Variants in SLC46A3 observed in about 807,000 individuals in gnomAD.
The protein encoded by SLC46A3 is lysosomal proton-coupled steroid conjugate and bile acid symporter SLC46A3.
SLC46A3 carries 26 observed loss-of-function variants against 38.5 expected under a neutral mutation model. The ratio of observed to expected loss-of-function variants is 0.68; its 90% CI spans 0.49 to 0.94. The LOEUF (loss-of-function observed/expected upper bound fraction) is 0.94, where lower values mean the gene tolerates loss of function less well. SLC46A3 is among the 40% of genes least tolerant of loss of function. SLC46A3 has a pLI of 0.00. For synonymous variants in SLC46A3, 185 were observed against 192.5 expected, an observed-to-expected ratio of 0.96 and a Z score of 0.32; for missense variants, 510 against 544.3, an observed-to-expected ratio of 0.94 and a Z score of 0.63.
At position 28,713,455 on chromosome 13, in the gene SLC46A3, A is replaced by C. The variant is rs747383866; in HGVS notation, c.285T>G (p.Ser95Arg). Residue 95 changes from serine (S) to arginine (R), a missense_variant, in exon 3 of 6, where the codon AGT (serine) becomes AGG (arginine). By Grantham distance (110) the Ser-to-Arg change is moderately radical. Coordinates refer to ENST00000266943, the MANE Select transcript of SLC46A3 (RefSeq NM_181785.4). The stretch of plus-strand genomic sequence containing the variant: ...TAGGGAATTTTCGTCCGTAGTGATC[A>C]CTAATAGACAAAAGTATGAATGTAG... ...LVSTFILLSI[S>R]DHYGRKFPMI... 5 of 1,614,180 alleles carry C rather than the reference A, an allele frequency of 3.1e-6. No individual in the cohort carries two copies. In the East Asian group the frequency reaches 1.1e-4, roughly 36 times the overall value.
rs764912570 is a variant in SLC46A3 at position 28,700,959 on chromosome 13, AT to A, written c.*537del. 6.5e-7 allele frequency: 1 copy of A among 1,529,176 alleles called. No homozygotes were observed. Among genetic ancestry groups the A allele is most frequent in the South Asian group, 1.2e-5 (1 of 83,374 alleles). The allele number at this position is 1,529,176 out of a possible 1,614,324, so 94.7% of individuals were successfully genotyped here. On this transcript the variant is annotated 3_prime_UTR_variant, in exon 6 of 6. Transcript: ENST00000266943. ...TATCAATAGCAGCTTAACAGGCTCTATAAAATAAAGCATTACCAAGTATAGG... is the reference window on the plus strand; with the variant it reads ...TATCAATAGCAGCTTAACAGGCTCTAAAAATAAAGCATTACCAAGTATAGG...
chr13:28,701,253 G>A lies in SLC46A3; in HGVS notation c.*244C>T. The A allele has an allele frequency of 7.2e-7, 1 of 1,391,198 alleles. No homozygotes were observed. The highest frequency in any genetic ancestry group is 9.3e-7 in the Non-Finnish European group (1 of 1,075,898). 86.2% of individuals were successfully genotyped at this position (1,391,198 alleles called of 1,614,324 possible). Reference sequence around the variant, plus strand: ...TTTCTCTTCTAAGTCTAAAAGTGAGGCGTATTTGAAATTTGTTCTGTGTAT... The same window carrying A: ...TTTCTCTTCTAAGTCTAAAAGTGAGACGTATTTGAAATTTGTTCTGTGTAT... On this transcript the variant is annotated 3_prime_UTR_variant, in exon 6 of 6. Coordinates refer to ENST00000266943, the MANE Select transcript of SLC46A3 (RefSeq NM_181785.4).
At position 28,712,782 on chromosome 13, in the gene SLC46A3, A is replaced by G; in HGVS notation, c.958T>C (p.Tyr320His). The G allele has an allele frequency of 1.9e-6, 3 of 1,613,774 alleles. No homozygotes were observed. The highest frequency in any genetic ancestry group is 2.5e-6 in the Non-Finnish European group (3 of 1,179,926). The change falls in exon 3 of 6, where the codon TAT becomes CAT. Residue 320 changes from tyrosine to histidine, a missense_variant. Physicochemically the swap from Tyr to His is moderately conservative, Grantham distance 83 (BLOSUM62 2). Transcript: ENST00000266943. ...TSFLGIWLFS[Y>H]CMEDIHMAFI... ...GCCATATGAATATCTTCCATACAATAAGAAAAAAGCCATATTCCTAGGAAA... is the reference window on the plus strand; with the variant it reads ...GCCATATGAATATCTTCCATACAATGAGAAAAAAGCCATATTCCTAGGAAA...
rs200750654 is a variant in SLC46A3 at position 28,701,486 on chromosome 13, T to A, written c.*11A>T. The A allele has an allele frequency of 2.5e-6, 4 of 1,609,292 alleles. No individual in the cohort carries two copies. In the East Asian group the frequency reaches 8.9e-5, roughly 36 times the overall value. ...GCATTCATAGATTTTTTTTGTTTGTTTAAATCACAGTCACCTGTCTGAAGC... is the reference window on the plus strand; with the variant it reads ...GCATTCATAGATTTTTTTTGTTTGTATAAATCACAGTCACCTGTCTGAAGC... On this transcript the variant is annotated 3_prime_UTR_variant, in exon 6 of 6. Coordinates refer to ENST00000266943, the MANE Select transcript of SLC46A3 (RefSeq NM_181785.4).
rs1010104398 is a variant in SLC46A3, at chr13:28,704,849, T to C, written c.1145-750A>G. On this transcript the variant is annotated intron_variant, in intron 4 of 5. Transcript: ENST00000266943. ...CTAAGGTGCCTTACAAGATGAAGAGTGGGGATTCTGCTATGGTCACACTTG... is the reference window on the plus strand; with the variant it reads ...CTAAGGTGCCTTACAAGATGAAGAGCGGGGATTCTGCTATGGTCACACTTG... Among the ~76,000 whole-genome samples the C allele has an allele frequency of 9.9e-5, 15 of 152,226 alleles. No individual in the cohort carries two copies. In the East Asian group the frequency reaches 2.3e-3, roughly 24 times the overall value.
Position 28,712,870 on chromosome 13 carries a change from G to A in SLC46A3, c.870C>T (p.Leu290=), listed in dbSNP as rs35874336. The stretch of plus-strand genomic sequence containing the variant: ...AACCTATAAAAACTTCATTCCAGCA[G>A]AGTGGTGAATCCAATTCATAAAGGA... ...IFILYELDSP[L]CWNEVFIGYG... The change falls in exon 3 of 6, where the codon CTC becomes CTT. Residue 290 remains leucine (L), a synonymous_variant. Coordinates refer to ENST00000266943, the MANE Select transcript of SLC46A3 (RefSeq NM_181785.4). 7.0e-5 allele frequency: 113 copies of A among 1,610,928 alleles called. No homozygotes were observed. The highest frequency in any genetic ancestry group is 1.6e-4 in the Middle Eastern group (1 of 6,070).
Position 28,700,953 on chromosome 13 carries a change from G to T in SLC46A3, c.*544C>A, listed in dbSNP as rs1884998875. The stretch of plus-strand genomic sequence containing the variant: ...TCCGACTATCAATAGCAGCTTAACA[G>T]GCTCTATAAAATAAAGCATTACCAA... On this transcript the variant is annotated 3_prime_UTR_variant, in exon 6 of 6. Transcript: ENST00000266943. The T allele has an allele frequency of 6.6e-7, 1 of 1,521,068 alleles. No homozygotes were observed. The allele number at this position is 1,521,068 out of a possible 1,614,324, so 94.2% of individuals were successfully genotyped here.
intron 5 of SLC46A3, among the ~76,000 whole-genome samples, chr13:28,702,474 T>A (rs1454582807): frequency 6.6e-6 from 1 of 152,198 alleles, no homozygotes; most frequent in East Asian, 1.9e-4. Context: ...GCTGGATCAA[T>A]CACTATGAAC....
At position 28,718,015 on chromosome 13, in the gene SLC46A3, G is replaced by A; in HGVS notation, c.-17C>T. On this transcript the variant is annotated 5_prime_UTR_variant, in exon 2 of 6. Coordinates refer to ENST00000266943, the MANE Select transcript of SLC46A3 (RefSeq NM_181785.4). Reference sequence around the variant, plus strand: ...AATCTTCATATTGCCTGGGTAGGTAGCTGTATTCTATAAAAAGTGAAAACG... The same window carrying A: ...AATCTTCATATTGCCTGGGTAGGTAACTGTATTCTATAAAAAGTGAAAACG... 2.5e-6 allele frequency: 4 copies of A among 1,600,488 alleles called. No individual in the cohort carries two copies. The highest frequency in any genetic ancestry group is 1.7e-4 in the Middle Eastern group (1 of 5,982).
In SLC46A3 at chr13:28,713,418, A is replaced by T. The variant is rs1381045169; in HGVS notation, c.322T>A (p.Ser108Thr). The stretch of plus-strand genomic sequence containing the variant: ...ACGCTGGTTGCAAGAGCACCAACGG[A>T]AGACAAAATCATAGGGAATTTTCGT... ...YGRKFPMILS[S>T]VGALATSVWL... Residue 108 changes from serine (S) to threonine (T), a missense_variant, in exon 3 of 6, where the codon TCC becomes ACC. Transcript: ENST00000266943. 1 of 1,614,000 alleles carries T rather than the reference A, an allele frequency of 6.2e-7. No individual in the cohort carries two copies. The highest frequency in any genetic ancestry group is 1.7e-5 in the Admixed American group (1 of 60,010).
chr13:28,704,130 A>G, intron 4 of SLC46A3, 31 bp from the exon 5 acceptor site: 1 of 1,569,474 alleles, frequency 6.4e-7, no homozygotes, highest in Non-Finnish European at 8.6e-7. Context: ...GAGAGAGGAA[A>G]AAAAAAAGGC....
chr13:28,708,966 A>T (rs543171454), intron 4 of SLC46A3, among the ~76,000 whole-genome samples: 4 of 152,160 alleles, frequency 2.6e-5, no homozygotes, highest in Non-Finnish European at 4.4e-5. Flanking sequence ...ATTGGTTTTC[A>T]AAGCAATCAT....
At chr13:28,716,057 G>A (rs949833300) in intron 2 of SLC46A3, among the ~76,000 whole-genome samples, 3 of 152,076 alleles carry the variant, frequency 2.0e-5, no homozygotes, top group Non-Finnish European at 4.4e-5. Flanking sequence ...GGAGGCTGAG[G>A]TGAGAGGATC....
chr13:28,706,369 T>C (rs960335271), intron 4 of SLC46A3, among the ~76,000 whole-genome samples: 4 of 152,244 alleles, frequency 2.6e-5, no homozygotes, highest in African/African-American at 7.2e-5. Flanking sequence ...ATGGCCAATT[T>C]AAATAATAAT....
chr13:28,704,292 A>C (rs1035257530), intron 4 of SLC46A3, 193 bp from the exon 5 acceptor site: 10 of 573,618 alleles, frequency 1.7e-5, no homozygotes, highest in African/African-American at 1.5e-4. Context: ...GAGGAAACTA[A>C]GGGAAAGGTT....
chr13:28,717,706 C>T (rs1885570238), intron 2 of SLC46A3, 104 bp downstream of exon 2: 32 of 1,149,576 alleles, frequency 2.8e-5, no homozygotes, highest in Non-Finnish European at 3.4e-5. Context: ...CTTTGATGGC[C>T]GCCCTAGAGA....
At chr13:28,717,490 T>A (rs1383609335) in intron 2 of SLC46A3, among the ~76,000 whole-genome samples, 1,179 of 25,874 alleles carry the variant, frequency 0.046, 106 homozygotes, top group African/African-American at 0.086. Flanking sequence ...TCAGACTTTT[T>A]TTTTTTTTTT....
At position 28,704,031 on chromosome 13, in the gene SLC46A3, C is replaced by T; in HGVS notation, c.1213G>A (p.Gly405Arg). ...GGVTAVSTFN[G>R]IYSATVAWYP... Reference sequence around the variant, plus strand: ...CAAGCAACAGTGGCTGAGTAAATTCCATTAAAAGTAGAAACTGCAGTGACT... The same window carrying T: ...CAAGCAACAGTGGCTGAGTAAATTCTATTAAAAGTAGAAACTGCAGTGACT... The change falls in exon 5 of 6, where the codon GGA (glycine) becomes AGA (arginine). Residue 405 changes from glycine to arginine, a missense_variant. Coordinates refer to ENST00000266943, the MANE Select transcript of SLC46A3 (RefSeq NM_181785.4). 1.2e-6 allele frequency: 2 copies of T among 1,613,366 alleles called. No homozygotes were observed. The highest frequency in any genetic ancestry group is 1.7e-6 in the Non-Finnish European group (2 of 1,179,762).
Position 28,701,577 on chromosome 13 carries a change from C to T in SLC46A3, c.1306G>A (p.Val436Ile). ...LLLPAISLCVVKCTSWNEGSY... is the reference protein window; with the variant it reads ...LLLPAISLCVIKCTSWNEGSY... ...CCCTCATTCCAGCTGGTACACTTGA[C>T]AACACTATAAAAGGAAACAAGACAT... is the stretch of plus-strand genomic sequence containing the variant. Residue 436 changes from valine (V) to isoleucine (I), a missense_variant, in exon 6 of 6, where the codon GTC becomes ATC. Coordinates refer to ENST00000266943, the MANE Select transcript of SLC46A3 (RefSeq NM_181785.4). 6.2e-7 allele frequency: 1 copy of T among 1,612,598 alleles called. No individual in the cohort carries two copies. The highest frequency in any genetic ancestry group is 1.1e-5 in the South Asian group (1 of 90,798).
Sources: gnomAD v4.1 joint callset for allele counts (sites outside exome capture counted in the v4.1 genomes callset) on GRCh38, gnomAD v4.1.1 for gene constraint, MANE v1.5 for transcripts, NCBI Gene and HGNC (gene_info 2026-07-23, HGNC 2026-07-21) for gene names.